The following NFIB variants were observed in gnomAD, a reference collection of about 807,000 sequenced individuals.
NFIB encodes nuclear factor I B.
Under a neutral mutation model 61.5 loss-of-function variants are expected in NFIB, and 11 were observed. The observed-to-expected ratio is 0.18, with a 90% CI of 0.11 to 0.30. The LOEUF is 0.30. NFIB is among the 10% of genes least tolerant of loss of function. The pLI, the probability that NFIB is intolerant of heterozygous loss-of-function variation, is 1.00. For missense variants in NFIB, 471 were observed against 608.9 expected (o/e 0.77, Z 2.38); for synonymous variants, 260 against 216.5 (o/e 1.20, Z -1.76).
intron 3 of NFIB, among the ~76,000 whole-genome samples, chr9:14,175,740 C>T (rs1325936328): frequency 6.6e-6 from 1 of 152,066 alleles, no homozygotes; most frequent in Non-Finnish European, 1.5e-5. Context: ...ATGTTATTCC[C>T]GGTAAGAAAG....
chr9:14,442,565 G>A, the NFIB span, among the ~76,000 whole-genome samples: 1 of 152,090 alleles, frequency 6.6e-6, no homozygotes, highest in Non-Finnish European at 1.5e-5. Context: ...GGGCTGGGAG[G>A]GAAAATCTGT....
chr9:14,481,691 C>T, the NFIB span, among the ~76,000 whole-genome samples: 1 of 152,096 alleles, frequency 6.6e-6, no homozygotes, highest in African/African-American at 2.4e-5. Flanking sequence ...TGGTTCCATT[C>T]ACTAGTTCTC....
intron 2 of NFIB, among the ~76,000 whole-genome samples, chr9:14,248,698 A>G (rs1249276392): frequency 2.0e-5 from 3 of 152,134 alleles, no homozygotes; most frequent in African/African-American, 7.2e-5. Context: ...CAGGCAGGAG[A>G]CTTAAGCATA....
chr9:14,106,259 T>A (rs762463663), intron 10 of NFIB, among the ~76,000 whole-genome samples: 1 of 152,190 alleles, frequency 6.6e-6, no homozygotes, highest in African/African-American at 2.4e-5. Context: ...CAAAAAGAAC[T>A]GATCATATGC....
chr9:14,419,742 A>T, the NFIB span, among the ~76,000 whole-genome samples: 2 of 152,052 alleles, frequency 1.3e-5, no homozygotes, highest in Admixed American at 6.5e-5. Flanking sequence ...ACCCTTTGAC[A>T]GTCCTCAGTG....
intron 1 of NFIB, among the ~76,000 whole-genome samples, chr9:14,338,852 C>G (rs994013688): frequency 6.6e-6 from 1 of 151,764 alleles, no homozygotes. Flanking sequence ...GCCCCTCCTT[C>G]CCCCCTTGGA....
intron 2 of NFIB, among the ~76,000 whole-genome samples, chr9:14,236,642 T>C (rs2053774997): frequency 6.6e-6 from 1 of 152,178 alleles, no homozygotes; most frequent in South Asian, 2.1e-4. Context: ...ACAATTAAAT[T>C]CCAGAGAATT....
chr9:14,339,831 A>G (rs79377322), intron 1 of NFIB, among the ~76,000 whole-genome samples: 5,169 of 152,292 alleles, frequency 0.034, 298 homozygotes, highest in African/African-American at 0.12. Context: ...TAACACCCTG[A>G]TACTTGGGGT....
At chr9:14,366,621 G>A (rs2061303093) in intron 1 of NFIB, among the ~76,000 whole-genome samples, 1 of 152,008 alleles carries the variant, frequency 6.6e-6, no homozygotes. Flanking sequence ...GAGTAGTTGG[G>A]ATAACAGGCA....
intron 2 of NFIB, chr9:14,204,405 G>A (rs750772446): frequency 1.1e-5 from 12 of 1,131,320 alleles, no homozygotes; most frequent in Non-Finnish European, 1.3e-5. Context: ...GACCTCGCCC[G>A]CTTTGTGAAA....
chr9:14,199,430 G>C (rs2131614810), intron 2 of NFIB, among the ~76,000 whole-genome samples: 1 of 152,336 alleles, frequency 6.6e-6, no homozygotes, highest in Middle Eastern at 3.4e-3. Context: ...TTAGATGCCT[G>C]ATAAAGTTAA....
intron 2 of NFIB, among the ~76,000 whole-genome samples, chr9:14,186,455 T>G (rs1435785596): frequency 6.6e-6 from 1 of 152,108 alleles, no homozygotes; most frequent in African/African-American, 2.4e-5. Flanking sequence ...AACAGTATAT[T>G]TTTACAATTA....
At chr9:14,180,578 T>C (rs933656659) in intron 2 of NFIB, 4 of 152,262 alleles carry the variant, frequency 2.6e-5, no homozygotes, top group African/African-American at 2.4e-5. Flanking sequence ...TCTGACACTG[T>C]TGTGTTTTGC....
At chr9:14,208,887 G>A (rs898193557) in intron 2 of NFIB, among the ~76,000 whole-genome samples, 5 of 151,958 alleles carry the variant, frequency 3.3e-5, no homozygotes, top group Non-Finnish European at 7.4e-5. Context: ...TTTCCAATAT[G>A]ATATTATTTC....
chr9:14,103,749 T>C (rs2118872683), intron 10 of NFIB, among the ~76,000 whole-genome samples: 1 of 152,216 alleles, frequency 6.6e-6, no homozygotes, highest in African/African-American at 2.4e-5. Context: ...GTTTTAGTTA[T>C]TTGCATATTT....
At chr9:14,319,204 A>G (rs2060608478) in intron 1 of NFIB, among the ~76,000 whole-genome samples, 1 of 151,854 alleles carries the variant, frequency 6.6e-6, no homozygotes, top group African/African-American at 2.4e-5. Context: ...AAAAAAAAAA[A>G]GCATCCCACT....
At chr9:14,348,813 TG>T (rs1169648719) in intron 1 of NFIB, among the ~76,000 whole-genome samples, 1 of 152,372 alleles carries the variant, frequency 6.6e-6, no homozygotes, top group East Asian at 1.9e-4. Context: ...TGCTCTGTGC[TG>T]GGCCCCTGGC....
chr9:14,262,842 T>C (rs537200230), intron 2 of NFIB, among the ~76,000 whole-genome samples: 3 of 152,326 alleles, frequency 2.0e-5, no homozygotes, highest in African/African-American at 7.2e-5. Context: ...AACATGAAAC[T>C]GGCAAGTTTT....
intron 2 of NFIB, among the ~76,000 whole-genome samples, chr9:14,200,675 C>T (rs1409156151): frequency 5.3e-5 from 8 of 152,110 alleles, no homozygotes; most frequent in Admixed American, 1.3e-4. Flanking sequence ...GGCTGCTTTC[C>T]TGTCTTGATG....
Sources: allele counts gnomAD v4.1 joint callset (sites outside exome capture counted in the v4.1 genomes callset), GRCh38; gene constraint gnomAD v4.1.1; transcripts MANE v1.5; gene names NCBI Gene and HGNC (gene_info 2026-07-23, HGNC 2026-07-21).